The following HFM1 variants were observed in gnomAD, a reference collection of about 807,000 sequenced individuals.
The protein encoded by HFM1 is probable ATP-dependent DNA helicase HFM1.
A neutral mutation model predicts 192.1 loss-of-function variants in HFM1; 169 were observed. The ratio of observed to expected loss-of-function variants is 0.88; its 90% CI spans 0.78 to 1.00. The LOEUF is 1.00. Among genes scored for constraint, HFM1 ranks in the 50% least tolerant of loss-of-function variants. The probability of loss-of-function intolerance (pLI) is 0.00; values close to 1 mark genes in which losing one functional copy is unlikely to be tolerated. For synonymous variants in HFM1, 525 were observed against 537.8 expected, an observed-to-expected ratio of 0.98 and a Z score of 0.33; for missense variants, 1,661 against 1,668.0, an observed-to-expected ratio of 1.00 and a Z score of 0.07.
chr1:91,332,957 C>A (rs1310248398), intron 20 of HFM1, among the ~76,000 whole-genome samples: 1 of 152,050 alleles, frequency 6.6e-6, no homozygotes, highest in African/African-American at 2.4e-5. Context: ...ATAATAAATG[C>A]TGGTGAAGAT....
At position 91,297,238 on chromosome 1, in the gene HFM1, C is replaced by T. The variant is rs186992436; in HGVS notation, c.3391+16111G>A. Among the ~76,000 whole-genome samples the T allele has an allele frequency of 5.6e-3, 846 of 152,116 alleles. 4 individuals carry two copies. Among genetic ancestry groups the T allele is most frequent in the African/African-American group, 0.019 (795 of 41,506 alleles). On this transcript the variant is annotated intron_variant, in intron 30 of 38. Transcript: ENST00000370425. ...TCAAACTGCAAGGTGGCAGCGAGTCCGGGGGAGGGGCACCCGCCATTGCCG... is the reference window on the plus strand; with the variant it reads ...TCAAACTGCAAGGTGGCAGCGAGTCTGGGGGAGGGGCACCCGCCATTGCCG...
intron 13 of HFM1, 124 bp downstream of exon 13, chr1:91,375,234 C>T: frequency 1.6e-6 from 1 of 634,896 alleles, no homozygotes; most frequent in Non-Finnish European, 2.8e-6. Flanking sequence ...TTATCATTAT[C>T]CTTATTTTAT....
In HFM1 at chr1:91,380,090, T is replaced by A; in HGVS notation, c.1006+14A>T. 1 of 1,251,096 alleles carries A rather than the reference T, an allele frequency of 8.0e-7. No individual in the cohort carries two copies. Among genetic ancestry groups the A allele is most frequent in the Non-Finnish European group, 1.1e-6 (1 of 907,618 alleles). 77.5% of individuals were successfully genotyped at this position (1,251,096 alleles called of 1,614,324 possible). ...TTATTATAATTAGTCATCACTCTTA[T>A]AATAAATACTTACTGTAAACAATTT... On this transcript the variant is annotated intron_variant, in intron 8 of 38. Transcript: ENST00000370425.
At chr1:91,369,147 AT>A (rs1413760060) in intron 13 of HFM1, among the ~76,000 whole-genome samples, 2 of 152,186 alleles carry the variant, frequency 1.3e-5, no homozygotes, top group African/African-American at 4.8e-5. Flanking sequence ...CACAATAATA[AT>A]GGGAGACTTT....
At chr1:91,382,099 A>G (rs1295883829) in intron 6 of HFM1, among the ~76,000 whole-genome samples, 1 of 152,094 alleles carries the variant, frequency 6.6e-6, no homozygotes, top group Non-Finnish European at 1.5e-5. Flanking sequence ...CTTCAAAAAC[A>G]TCAGCTACGA....
chr1:91,273,496 GAA>G (rs1307794142), intron 34 of HFM1, among the ~76,000 whole-genome samples: 3 of 151,986 alleles, frequency 2.0e-5, no homozygotes, highest in African/African-American at 7.2e-5. Flanking sequence ...CATTATGTAG[GAA>G]AGAGATTTTT....
Position 91,394,394 on chromosome 1 carries a change from T to C in HFM1, c.193A>G (p.Lys65Glu). The change falls in exon 4 of 39, where the codon AAG (lysine) becomes GAG (glutamate). Residue 65 changes from lysine to glutamate, a missense_variant. Transcript: ENST00000370425. The part of the protein sequence containing the change: ...LESHKLLGQE[K>E]RPKMLTSNLK... ...TTTGATGTTAACATTTTTGGCCTCT[T>C]TTCCTGACCTACAAAAAAGGAATAT... is the stretch of plus-strand genomic sequence containing the variant. The C allele has an allele frequency of 6.7e-7, 1 of 1,485,060 alleles. No homozygotes were observed. The highest frequency in any genetic ancestry group is 9.3e-7 in the Non-Finnish European group (1 of 1,078,788). 92.0% of individuals were successfully genotyped at this position (1,485,060 alleles called of 1,614,324 possible).
At chr1:91,305,388 T>G (rs1300048659) in intron 30 of HFM1, among the ~76,000 whole-genome samples, 2 of 152,170 alleles carry the variant, frequency 1.3e-5, no homozygotes, top group Non-Finnish European at 2.9e-5. Flanking sequence ...TACACTTTTT[T>G]GTTCAATTTA....
intron 20 of HFM1, chr1:91,328,334 C>A: frequency 6.6e-7 from 1 of 1,507,748 alleles, no homozygotes; most frequent in South Asian, 1.3e-5. Context: ...GCTTTAGCCG[C>A]CGAGGCCTCG....
At chr1:91,382,341 T>C (rs1162773979) in intron 6 of HFM1, among the ~76,000 whole-genome samples, 1 of 152,182 alleles carries the variant, frequency 6.6e-6, no homozygotes, top group Non-Finnish European at 1.5e-5. Flanking sequence ...CTGACTTATT[T>C]ATATGTTATT....
intron 13 of HFM1, among the ~76,000 whole-genome samples, chr1:91,368,375 C>T (rs555446251): frequency 5.9e-5 from 9 of 152,288 alleles, no homozygotes; most frequent in African/African-American, 1.9e-4. Context: ...CAAAGGGAAA[C>T]CCAACAGACT....
At position 91,377,907 on chromosome 1, in the gene HFM1, C is replaced by A. The variant is rs1343383862; in HGVS notation, c.1395+118G>T. 4 of 906,628 alleles carry A rather than the reference C, an allele frequency of 4.4e-6. No individual in the cohort carries two copies. In the African/African-American group the frequency reaches 5.1e-5, roughly 12 times the overall value. 56.2% of individuals were successfully genotyped at this position (906,628 alleles called of 1,614,324 possible). ...TATGAGATCTAGCCACAACTTTCTA[C>A]AACATACTTTCCTATTAAAGGAAAG... On this transcript the variant is annotated intron_variant, in intron 11 of 38. Coordinates refer to ENST00000370425, the MANE Select transcript of HFM1 (RefSeq NM_001017975.6).
intron 1 of HFM1, among the ~76,000 whole-genome samples, chr1:91,403,072 T>C (rs1166646280): frequency 1.3e-5 from 2 of 152,034 alleles, no homozygotes; most frequent in Non-Finnish European, 2.9e-5. Flanking sequence ...ACACCCCTTA[T>C]CTAAAACTGC....
At chr1:91,277,570 AAT>A (rs1666954750) in intron 30 of HFM1, among the ~76,000 whole-genome samples, 1 of 11,452 alleles carries the variant, frequency 8.7e-5, no homozygotes, top group Non-Finnish European at 2.1e-4. Flanking sequence ...AAATATGTAT[AAT>A]ATATATACTT....
intron 23 of HFM1, among the ~76,000 whole-genome samples, chr1:91,322,543 T>C (rs1156517523): frequency 1.3e-5 from 2 of 152,184 alleles, no homozygotes; most frequent in Non-Finnish European, 2.9e-5. Flanking sequence ...TCATCCACTG[T>C]CACATATACA....
chr1:91,397,894 T>TC (rs1430598755), intron 2 of HFM1, among the ~76,000 whole-genome samples: 1 of 152,208 alleles, frequency 6.6e-6, no homozygotes, highest in African/African-American at 2.4e-5. Flanking sequence ...GGGAAGCTCT[T>TC]CAGGGACCCA....
chr1:91,368,856 C>G (rs927072600), intron 13 of HFM1, among the ~76,000 whole-genome samples: 2 of 152,132 alleles, frequency 1.3e-5, no homozygotes, highest in African/African-American at 4.8e-5. Flanking sequence ...GGAAACCCAT[C>G]TCACGTGCAG....
rs1441478306 is a variant in HFM1 at position 91,378,074 on chromosome 1, A to G, written c.1346T>C (p.Ile449Thr). The G allele has an allele frequency of 6.2e-7, 1 of 1,612,380 alleles. No individual in the cohort carries two copies. Among genetic ancestry groups the G allele is most frequent in the Admixed American group, 1.7e-5 (1 of 59,820 alleles). ...AGATACAGCTACAAATCGCATTGGAATAGCAGTGCTGGTATTTTTTAAAGT... is the reference window on the plus strand; with the variant it reads ...AGATACAGCTACAAATCGCATTGGAGTAGCAGTGCTGGTATTTTTTAAAGT... ...SQTLKNTSTA[I>T]PMRFVAVSAT... The change falls in exon 11 of 39, where the codon ATT (isoleucine) becomes ACT (threonine). Residue 449 changes from isoleucine (I) to threonine (T), a missense_variant. Transcript: ENST00000370425.
intron 16 of HFM1, among the ~76,000 whole-genome samples, 192 bp from the exon 17 acceptor site, chr1:91,351,835 A>G (rs1401983950): frequency 6.6e-6 from 1 of 152,000 alleles, no homozygotes; most frequent in African/African-American, 2.4e-5. Context: ...GTATAGCTGT[A>G]AATATCACTT....
Sources: allele counts gnomAD v4.1 joint callset (sites outside exome capture counted in the v4.1 genomes callset), GRCh38; gene constraint gnomAD v4.1.1; transcripts MANE v1.5; gene names NCBI Gene and HGNC (gene_info 2026-07-23, HGNC 2026-07-21).